Variants in AGO2 observed in about 807,000 individuals in gnomAD.
AGO2 encodes argonaute RISC catalytic component 2, also known as protein argonaute-2.
In AGO2, 5 loss-of-function variants were observed where a neutral mutation model predicts 102.3. The ratio of observed to expected loss-of-function variants is 0.05; its 90% CI spans 0.03 to 0.10. AGO2 has a LOEUF of 0.10. Among genes scored for constraint, AGO2 ranks in the 10% least tolerant of loss-of-function variants. The pLI, the probability that AGO2 is intolerant of heterozygous loss-of-function variation, is 1.00. For synonymous variants in AGO2, 449 were observed against 473.1 expected (o/e 0.95, Z 0.66); for missense variants, 541 against 1,183.7 (o/e 0.46, Z 7.97).
chr8:140,608,275 G>C (rs781185255), intron 1 of AGO2, among the ~76,000 whole-genome samples: 11 of 152,172 alleles, frequency 7.2e-5, no homozygotes, highest in Non-Finnish European at 1.6e-4. Context: ...AGCACGCTCC[G>C]GTCTCCTGTC....
At chr8:140,560,241 T>A (rs2073175994) in intron 5 of AGO2, 133 bp downstream of exon 5, 4 of 1,335,022 alleles carry the variant, frequency 3.0e-6, no homozygotes, top group Non-Finnish European at 4.1e-6. Context: ...ACCAGCCAGG[T>A]GTCACGCAGC....
intron 1 of AGO2, among the ~76,000 whole-genome samples, chr8:140,594,825 C>CTGTGTGTGTGTGTGTGTGTGTGTGTGTG (rs56012516): frequency 3.4e-5 from 5 of 146,028 alleles, no homozygotes; most frequent in African/African-American, 5.1e-5. Flanking sequence ...AAGAAAAAAA[C>CTGTGTGTGTGTGTGTGTGTGTGTGTGTG]TGTGTGTGTG....
chr8:140,585,445 C>T, intron 1 of AGO2, 134 bp from the exon 2 acceptor site: 1 of 955,600 alleles, frequency 1.0e-6, no homozygotes, highest in Non-Finnish European at 1.5e-6. Context: ...TTGCATTCCA[C>T]AGAGGAGGCG....
chr8:140,555,892 G>A lies in AGO2; in HGVS notation c.1269+4C>T, dbSNP rs75134171. On this transcript the variant is annotated splice_donor_region_variant and intron_variant, in intron 10 of 18. Coordinates refer to ENST00000220592, the MANE Select transcript of AGO2 (RefSeq NM_012154.5). ...CCACACGTTCCCCGCCGCCCCACAC[G>A]TACCCTGCCCCCGTAGAGGATGGAG... 5,468 of 1,612,758 alleles carry A rather than the reference G, an allele frequency of 3.4e-3. 19 individuals carry two copies. The highest frequency in any genetic ancestry group is 4.3e-3 in the Non-Finnish European group (5,023 of 1,179,582).
chr8:140,557,198 C>A lies in AGO2; in HGVS notation c.917G>T (p.Cys306Phe). ...LQQESGQTVECTVAQYFKDRH... is the reference protein window; with the variant it reads ...LQQESGQTVEFTVAQYFKDRH... ...GTCCTTGAAATACTGGGCCACCGTG[C>A]ACTCCACCGTCTGCCCGCTCTCCTG... is the stretch of plus-strand genomic sequence containing the variant. Residue 306 changes from cysteine (C) to phenylalanine (F), a missense_variant, in exon 8 of 19, where the codon TGC becomes TTC. Cys to Phe is a radical substitution (Grantham distance 205). Transcript: ENST00000220592. The surrounding 1 kb of genome is among the most constrained non-coding windows in gnomAD (Gnocchi z 5.9). The A allele has an allele frequency of 6.2e-7, 1 of 1,614,038 alleles. No homozygotes were observed. Among genetic ancestry groups the A allele is most frequent in the Non-Finnish European group, 8.5e-7 (1 of 1,179,960 alleles).
At chr8:140,591,271 C>T (rs761206923) in intron 1 of AGO2, among the ~76,000 whole-genome samples, 5 of 152,202 alleles carry the variant, frequency 3.3e-5, no homozygotes, top group Non-Finnish European at 1.5e-5. Context: ...CTTGGCAACA[C>T]CAAAAGAATG....
At chr8:140,627,705 A>G (rs903004429) in intron 1 of AGO2, among the ~76,000 whole-genome samples, 2 of 152,180 alleles carry the variant, frequency 1.3e-5, no homozygotes, top group Admixed American at 1.3e-4. Context: ...CATTTACTGA[A>G]GCCCCAGTAA....
intron 1 of AGO2, among the ~76,000 whole-genome samples, chr8:140,599,239 C>T (rs995045863): frequency 1.7e-4 from 26 of 152,192 alleles, no homozygotes; most frequent in African/African-American, 5.3e-4. Context: ...GTGCGCTGAG[C>T]GTCCGTTATG....
Position 140,528,002 on chromosome 8 carries a change from G to A in AGO2, c.*4042C>T, listed in dbSNP as rs1201496003. 2 of 152,266 alleles carry A rather than the reference G, an allele frequency of 1.3e-5. No homozygotes were observed. 9.4% of individuals were successfully genotyped at this position (152,266 alleles called of 1,614,324 possible). A position where few individuals can be genotyped will look rare whatever the true frequency, so the allele number is the denominator to read the frequency against. ...CCAAAGGCCTCCTGGGGACACTCCG[G>A]TGTCCCGGCTGCCTGACGTGTGGCC... On this transcript the variant is annotated 3_prime_UTR_variant, in exon 19 of 19. Coordinates refer to ENST00000220592, the MANE Select transcript of AGO2 (RefSeq NM_012154.5). The surrounding 1 kb of genome is among the most constrained non-coding windows in gnomAD (Gnocchi z 4.5).
chr8:140,539,171 T>A lies in AGO2; in HGVS notation c.2169+149A>T, dbSNP rs1200038591. 1 of 1,141,226 alleles carries A rather than the reference T, an allele frequency of 8.8e-7. No homozygotes were observed. The highest frequency in any genetic ancestry group is 1.5e-5 in the African/African-American group (1 of 64,842). The allele number at this position is 1,141,226 out of a possible 1,614,324, so 70.7% of individuals were successfully genotyped here. A position where few individuals can be genotyped will look rare whatever the true frequency, so the allele number is the denominator to read the frequency against. ...GACAGCCTTCTCTAGTGTCTAAACC[T>A]GGGTCCCCATGAAGCCCCTTAGAGG... is the stretch of plus-strand genomic sequence containing the variant. On this transcript the variant is annotated intron_variant, in intron 16 of 18. Transcript: ENST00000220592. The surrounding 1 kb of genome is among the most constrained non-coding windows in gnomAD (Gnocchi z 4.7).
chr8:140,635,343 C>T, intron 1 of AGO2, 142 bp downstream of exon 1: 1 of 486,510 alleles, frequency 2.1e-6, no homozygotes, highest in Non-Finnish European at 2.7e-6. Context: ...CCAAGCGCGG[C>T]CCCGGCTCGC....
chr8:140,564,818 G>A (rs2073254176), intron 3 of AGO2, among the ~76,000 whole-genome samples: 1 of 152,018 alleles, frequency 6.6e-6, no homozygotes, highest in Non-Finnish European at 1.5e-5. Flanking sequence ...ATCATACACT[G>A]TGGAATAATA....
chr8:140,596,932 G>A (rs1024765340), intron 1 of AGO2, among the ~76,000 whole-genome samples: 11 of 152,198 alleles, frequency 7.2e-5, no homozygotes, highest in African/African-American at 2.7e-4. Flanking sequence ...ACCAGCCCAG[G>A]GGGACCTGCC....
chr8:140,582,559 A>T (rs1252287395), intron 2 of AGO2, among the ~76,000 whole-genome samples: 2 of 152,332 alleles, frequency 1.3e-5, no homozygotes, highest in East Asian at 3.9e-4. Flanking sequence ...TATTTTTTTT[A>T]AAGGTCAACA....
intron 2 of AGO2, among the ~76,000 whole-genome samples, chr8:140,580,358 G>A (rs547146199): frequency 6.6e-6 from 1 of 152,356 alleles, no homozygotes; most frequent in South Asian, 2.1e-4. Flanking sequence ...AAGCCTCTGT[G>A]TTGGACTCAT....
intron 1 of AGO2, among the ~76,000 whole-genome samples, chr8:140,627,981 C>A (rs1169253320): frequency 6.6e-6 from 1 of 152,226 alleles, no homozygotes; most frequent in Non-Finnish European, 1.5e-5. Context: ...ATTCCACTCC[C>A]AGGAGGATGC....
chr8:140,585,826 A>G (rs12544266), intron 1 of AGO2, among the ~76,000 whole-genome samples: 120,695 of 152,078 alleles, frequency 0.79, 48,193 homozygotes, highest in Admixed American at 0.84. Flanking sequence ...TTTAAAAAAA[A>G]GACAACCCTT....
chr8:140,635,362 G>A (rs1054048656), intron 1 of AGO2, 123 bp downstream of exon 1: 1 of 537,222 alleles, frequency 1.9e-6, no homozygotes, highest in Admixed American at 6.6e-5. Flanking sequence ...GCCCGCCCCC[G>A]GCCCCCGCCG....
intron 17 of AGO2, among the ~76,000 whole-genome samples, chr8:140,534,632 AT>A (rs1395689315): frequency 1.3e-5 from 2 of 152,264 alleles, no homozygotes; most frequent in African/African-American, 4.8e-5. Flanking sequence ...ACAATGTGAC[AT>A]TTTAAAATAT....
Sources: gnomAD v4.1 joint callset for allele counts (sites outside exome capture counted in the v4.1 genomes callset) on GRCh38, gnomAD v4.1.1 for gene constraint, Gnocchi (gnomAD v3.1) non-coding constraint, MANE v1.5 for transcripts, NCBI Gene and HGNC (gene_info 2026-07-23, HGNC 2026-07-21) for gene names.